TRDN: variants seen among roughly 807,000 people sequenced by gnomAD.
TRDN encodes triadin in skeletal muscle.
TRDN carries 161 observed loss-of-function variants against 149.7 expected under a neutral mutation model. That is an observed-to-expected ratio of 1.08 (90% CI 0.95 to 1.23). The LOEUF is 1.23. Ranked by LOEUF, TRDN falls within the 50% of genes most tolerant of loss-of-function variation. The pLI is 0.00. For synonymous variants in TRDN, 294 were observed against 250.5 expected, an observed-to-expected ratio of 1.17 and a Z score of -1.64; for missense variants, 896 against 823.5, an observed-to-expected ratio of 1.09 and a Z score of -1.08.
intron 21 of TRDN, among the ~76,000 whole-genome samples, chr6:123,348,178 A>G (rs968520636): frequency 3.9e-5 from 6 of 152,102 alleles, no homozygotes; most frequent in Admixed American, 6.6e-5. Context: ...TCTGAGTTAA[A>G]TTTTGACTCT....
At chr6:123,515,832 A>G (rs549463565) in intron 6 of TRDN, among the ~76,000 whole-genome samples, 1 of 152,272 alleles carries the variant, frequency 6.6e-6, no homozygotes, top group Admixed American at 6.5e-5. Flanking sequence ...CTACTTTCTT[A>G]CCTATCAAAC....
chr6:123,443,823 T>G (rs1775101383), intron 10 of TRDN, among the ~76,000 whole-genome samples: 1 of 149,234 alleles, frequency 6.7e-6, no homozygotes, highest in African/African-American at 2.6e-5. Context: ...AAAGATCAGA[T>G]AGTTATAGAT....
intron 4 of TRDN, among the ~76,000 whole-genome samples, chr6:123,539,695 A>G (rs9482404): frequency 0.027 from 4,163 of 152,328 alleles, 166 homozygotes; most frequent in African/African-American, 0.096. Context: ...AGTGATATAT[A>G]TATTAACTTA....
At chr6:123,256,982 T>C (rs1273260972) in intron 35 of TRDN, among the ~76,000 whole-genome samples, 3 of 83,738 alleles carry the variant, frequency 3.6e-5, no homozygotes, top group African/African-American at 5.6e-5. Context: ...TCTTTTCTTT[T>C]CTTTCTTTTT....
At chr6:123,239,931 T>C (rs1203662392) in intron 38 of TRDN, among the ~76,000 whole-genome samples, 1 of 152,008 alleles carries the variant, frequency 6.6e-6, no homozygotes, top group Non-Finnish European at 1.5e-5. Context: ...CACAAAGTAA[T>C]ATACTATATA....
At chr6:123,237,536 C>T (rs1775834118) in intron 38 of TRDN, among the ~76,000 whole-genome samples, 1 of 152,196 alleles carries the variant, frequency 6.6e-6, no homozygotes, top group African/African-American at 2.4e-5. Context: ...GCGTGAGCCA[C>T]TGCGCCCTGA....
At chr6:123,629,764 A>T (rs1469991708) in intron 1 of TRDN, among the ~76,000 whole-genome samples, 2 of 152,058 alleles carry the variant, frequency 1.3e-5, no homozygotes, top group Non-Finnish European at 2.9e-5. Flanking sequence ...TGACAGCTTC[A>T]CTTCAGGCAT....
At chr6:123,367,884 A>G (rs574755560) in intron 19 of TRDN, among the ~76,000 whole-genome samples, 3 of 152,142 alleles carry the variant, frequency 2.0e-5, no homozygotes, top group African/African-American at 7.2e-5. Flanking sequence ...CCCCCTCCCT[A>G]CTTACCTCAG....
intron 6 of TRDN, among the ~76,000 whole-genome samples, chr6:123,513,682 A>G (rs1779281724): frequency 6.6e-6 from 1 of 152,142 alleles, no homozygotes; most frequent in Non-Finnish European, 1.5e-5. Flanking sequence ...ACATGAAGAA[A>G]ATAACAATTA....
chr6:123,512,338 T>C lies in TRDN; in HGVS notation c.575A>G (p.Lys192Arg). The C allele has an allele frequency of 6.6e-7, 1 of 1,506,502 alleles. No homozygotes were observed. Among genetic ancestry groups the C allele is most frequent in the South Asian group, 1.2e-5 (1 of 83,380 alleles). The allele number at this position is 1,506,502 out of a possible 1,614,324, so 93.3% of individuals were successfully genotyped here. A position where few individuals can be genotyped will look rare whatever the true frequency, so the allele number is the denominator to read the frequency against. ...TGTCTTTGTTTCTGGTTTTTCTTTT[T>C]TCTCAATTTTTTCCTTGTGAGTTGC... ...KKATHKEKIE[K>R]KEKPETKTLA... Residue 192 changes from lysine to arginine, a missense_variant, in exon 7 of 41, where the codon AAA (lysine) becomes AGA (arginine). Physicochemically the swap from Lys to Arg is conservative, Grantham distance 26. Transcript: ENST00000334268.
At chr6:123,492,662 A>G (rs1778272018) in intron 9 of TRDN, among the ~76,000 whole-genome samples, 1 of 152,164 alleles carries the variant, frequency 6.6e-6, no homozygotes, top group Admixed American at 6.5e-5. Flanking sequence ...ATTGAAAAGG[A>G]AATTGGAATT....
intron 1 of TRDN, among the ~76,000 whole-genome samples, chr6:123,575,789 G>T (rs1168744029): frequency 1.3e-5 from 2 of 151,986 alleles, no homozygotes; most frequent in Non-Finnish European, 2.9e-5. Flanking sequence ...TAAGCCTCCT[G>T]ATAGAAGTCA....
chr6:123,560,794 C>T (rs1781950174), intron 2 of TRDN, among the ~76,000 whole-genome samples: 1 of 152,118 alleles, frequency 6.6e-6, no homozygotes, highest in Non-Finnish European at 1.5e-5. Context: ...CCTCACAGGC[C>T]CATTCTATTC....
At chr6:123,514,308 T>C (rs1779321106) in intron 6 of TRDN, among the ~76,000 whole-genome samples, 1 of 151,966 alleles carries the variant, frequency 6.6e-6, no homozygotes, top group African/African-American at 2.4e-5. Flanking sequence ...TGAGCCAAGA[T>C]TGCACCACTG....
At chr6:123,237,893 G>T (rs757789074) in intron 38 of TRDN, among the ~76,000 whole-genome samples, 4 of 152,118 alleles carry the variant, frequency 2.6e-5, no homozygotes, top group African/African-American at 4.8e-5. Context: ...AAGGCAGAGA[G>T]AAAAGATATA....
chr6:123,459,723 C>T (rs1355335311), intron 10 of TRDN, among the ~76,000 whole-genome samples: 2 of 152,186 alleles, frequency 1.3e-5, no homozygotes, highest in African/African-American at 4.8e-5. Context: ...TGTTCTTATT[C>T]TTAATGCCAT....
At chr6:123,313,694 GA>G (rs1778916266) in intron 24 of TRDN, among the ~76,000 whole-genome samples, 1 of 151,854 alleles carries the variant, frequency 6.6e-6, no homozygotes, top group Admixed American at 6.6e-5. Context: ...ACAGATTAGA[GA>G]ACCCAGAAAT....
intron 10 of TRDN, among the ~76,000 whole-genome samples, chr6:123,443,124 A>G (rs1026883500): frequency 1.3e-5 from 2 of 151,906 alleles, no homozygotes; most frequent in African/African-American, 4.8e-5. Context: ...GCAAATATCG[A>G]TGGCATGTTG....
chr6:123,429,592 C>A (rs2051389306), intron 12 of TRDN, among the ~76,000 whole-genome samples: 1 of 152,058 alleles, frequency 6.6e-6, no homozygotes, highest in Non-Finnish European at 1.5e-5. Flanking sequence ...AAAACTCAGG[C>A]CACACTGTCA....
Sources: allele counts gnomAD v4.1 joint callset (sites outside exome capture counted in the v4.1 genomes callset), GRCh38; gene constraint gnomAD v4.1.1; transcripts MANE v1.5; gene names NCBI Gene and HGNC (gene_info 2026-07-23, HGNC 2026-07-21).